The following FLRT2 variants were observed in gnomAD, a reference collection of about 807,000 sequenced individuals.
FLRT2 encodes the protein fibronectin leucine rich transmembrane protein 2, also known as leucine-rich repeat transmembrane protein FLRT2.
Under a neutral mutation model 40.0 loss-of-function variants are expected in FLRT2, and 15 were observed. That is an observed-to-expected ratio of 0.38 (90% CI 0.25 to 0.58). The LOEUF (loss-of-function observed/expected upper bound fraction) is 0.58, where lower values mean the gene tolerates loss of function less well. Among genes scored for constraint, FLRT2 ranks in the 20% least tolerant of loss-of-function variants. FLRT2 has a pLI of 0.71. For synonymous variants in FLRT2, 380 were observed against 336.8 expected (o/e 1.13, Z -1.41); for missense variants, 726 against 840.0 (o/e 0.86, Z 1.68).
At position 85,639,851 on chromosome 14, in the gene FLRT2, C is replaced by CTTTTTTTTTTTTTTTTT. The variant is rs869148428; in HGVS notation, c.*16369_*16370insTTTTTTTTTTTTTTTTT. On this transcript the variant is annotated 3_prime_UTR_variant, in exon 2 of 2. Transcript: ENST00000330753. ...GAAATTCTTTATTTTTTTTTTTTTCCTTTTTTTTTTTTTTTGAGACAGTGT... is the reference window on the plus strand; with the variant it reads ...GAAATTCTTTATTTTTTTTTTTTTCCTTTTTTTTTTTTTTTTTTTTTTTTTTTTTTTTGAGACAGTGT... 2 of 119,250 alleles carry CTTTTTTTTTTTTTTTTT rather than the reference C, an allele frequency of 1.7e-5. 1 individual carries two copies. The highest frequency in any genetic ancestry group is 3.2e-5 in the Non-Finnish European group (2 of 62,186). 7.4% of individuals were successfully genotyped at this position (119,250 alleles called of 1,614,324 possible). A position where few individuals can be genotyped will look rare whatever the true frequency, so the allele number is the denominator to read the frequency against.
At chr14:85,603,380 A>G (rs78380426) in intron 1 of FLRT2, among the ~76,000 whole-genome samples, 8,584 of 152,244 alleles carry the variant, frequency 0.056, 863 homozygotes, top group African/African-American at 0.2. Context: ...TTTCTAGAAT[A>G]ATAGGATTGA....
intron 1 of FLRT2, among the ~76,000 whole-genome samples, chr14:85,564,533 G>C (rs192661448): frequency 6.6e-6 from 1 of 152,234 alleles, no homozygotes; most frequent in African/African-American, 2.4e-5. Context: ...AAATGTATTC[G>C]TGGAAGATTT....
chr14:85,533,182 C>T (rs766769669), intron 1 of FLRT2, among the ~76,000 whole-genome samples: 3 of 152,038 alleles, frequency 2.0e-5, no homozygotes, highest in Non-Finnish European at 4.4e-5. Context: ...AAAGAGGGCT[C>T]CAGGAGCGGA....
Position 85,643,742 on chromosome 14 carries a change from T to G in FLRT2, c.*20245T>G, listed in dbSNP as rs1894224102. The stretch of plus-strand genomic sequence containing the variant: ...ATTAATGCATTGATGAGGACTCTCC[T>G]CTTTTAGATAGAGATGAAAGTGTAG... On this transcript the variant is annotated 3_prime_UTR_variant, in exon 2 of 2. Coordinates refer to ENST00000330753, the MANE Select transcript of FLRT2 (RefSeq NM_013231.6). 6.6e-6 allele frequency: 1 copy of G among 152,188 alleles called. No homozygotes were observed. Among genetic ancestry groups the G allele is most frequent in the South Asian group, 2.1e-4 (1 of 4,824 alleles). 9.4% of individuals were successfully genotyped at this position (152,188 alleles called of 1,614,324 possible). A position where few individuals can be genotyped will look rare whatever the true frequency, so the allele number is the denominator to read the frequency against.
In FLRT2 at chr14:85,631,847, G is replaced by A. The variant is rs1283714979; in HGVS notation, c.*8350G>A. The A allele has an allele frequency of 6.6e-6, 1 of 151,088 alleles. No homozygotes were observed. Among genetic ancestry groups the A allele is most frequent in the Non-Finnish European group, 1.5e-5 (1 of 67,852 alleles). The allele number at this position is 151,088 out of a possible 1,614,324, so 9.4% of individuals were successfully genotyped here. A position where few individuals can be genotyped will look rare whatever the true frequency, so the allele number is the denominator to read the frequency against. On this transcript the variant is annotated 3_prime_UTR_variant, in exon 2 of 2. Coordinates refer to ENST00000330753, the MANE Select transcript of FLRT2 (RefSeq NM_013231.6). The stretch of plus-strand genomic sequence containing the variant: ...ATTTTATTTATTTATTTTTTTTTGA[G>A]TTGGAGTCTCACTCTGTCACCAGAT...
rs566323545 is a variant in FLRT2 at position 85,622,463 on chromosome 14, A to G, written c.949A>G (p.Ser317Gly). ...ARNNPWFCDCSIKWVTEWLKY... is the reference protein window; with the variant it reads ...ARNNPWFCDCGIKWVTEWLKY... ...GAATAACCCTTGGTTTTGTGACTGC[A>G]GTATTAAATGGGTCACAGAATGGCT... The change falls in exon 2 of 2, where the codon AGT (serine) becomes GGT (glycine). Residue 317 changes from serine (S) to glycine (G), a missense_variant. This residue lies in a region of FLRT2 where 611 missense variants were observed against 690.0 expected (regional missense o/e 0.89). Coordinates refer to ENST00000330753, the MANE Select transcript of FLRT2 (RefSeq NM_013231.6). The G allele has an allele frequency of 1.9e-6, 3 of 1,614,184 alleles. No homozygotes were observed. The highest frequency in any genetic ancestry group is 4.5e-5 in the East Asian group (2 of 44,874).
chr14:85,567,618 C>T (rs1308283713), intron 1 of FLRT2, among the ~76,000 whole-genome samples: 1 of 149,666 alleles, frequency 6.7e-6, no homozygotes, highest in East Asian at 2.0e-4. Flanking sequence ...GGGCCTAGCA[C>T]ACGGGAAGTG....
At chr14:85,616,320 C>CA (rs59010798) in intron 1 of FLRT2, among the ~76,000 whole-genome samples, 54,351 of 127,380 alleles carry the variant, frequency 0.43, 10,801 homozygotes, top group Non-Finnish European at 0.51. Context: ...ATTTAAAAGA[C>CA]AAAAAAAAAA....
At chr14:85,593,284 A>G (rs982732042) in intron 1 of FLRT2, among the ~76,000 whole-genome samples, 15 of 152,152 alleles carry the variant, frequency 9.9e-5, no homozygotes, top group African/African-American at 3.6e-4. Flanking sequence ...AAATTTTCAG[A>G]TTTTCCTACA....
intron 1 of FLRT2, among the ~76,000 whole-genome samples, chr14:85,565,925 T>C (rs908152177): frequency 3.3e-5 from 5 of 152,118 alleles, no homozygotes; most frequent in African/African-American, 1.2e-4. Context: ...ACTTCATTGT[T>C]TGGGGAATGA....
At chr14:85,544,644 A>G (rs1418817758) in intron 1 of FLRT2, among the ~76,000 whole-genome samples, 2 of 152,220 alleles carry the variant, frequency 1.3e-5, no homozygotes, top group African/African-American at 2.4e-5. Context: ...TTTAGTCTTC[A>G]TGATTTGCAC....
intron 1 of FLRT2, among the ~76,000 whole-genome samples, chr14:85,540,074 A>G (rs1888897573): frequency 1.3e-5 from 2 of 152,128 alleles, no homozygotes; most frequent in African/African-American, 4.8e-5. Flanking sequence ...TTTTTTTTGG[A>G]AAAATAAATC....
At chr14:85,543,646 A>G (rs1054390565) in intron 1 of FLRT2, among the ~76,000 whole-genome samples, 5 of 151,828 alleles carry the variant, frequency 3.3e-5, no homozygotes, top group African/African-American at 1.2e-4. Context: ...ATCTCAAACC[A>G]CTCCTCAGAC....
chr14:85,639,647 A>G lies in FLRT2; in HGVS notation c.*16150A>G, dbSNP rs534903309. On this transcript the variant is annotated 3_prime_UTR_variant, in exon 2 of 2. Transcript: ENST00000330753. ...TAGAGTGTGTGTTAGTAGAATTTATATTTATAGACTATTGATATTATTATG... is the reference window on the plus strand; with the variant it reads ...TAGAGTGTGTGTTAGTAGAATTTATGTTTATAGACTATTGATATTATTATG... 3.9e-5 allele frequency: 6 copies of G among 152,122 alleles called. No homozygotes were observed. The South Asian group carries it at 6.2e-4, about 16-fold the overall frequency. The allele number at this position is 152,122 out of a possible 1,614,324, so 9.4% of individuals were successfully genotyped here.
chr14:85,623,036 A>G lies in FLRT2; in HGVS notation c.1522A>G (p.Ile508Val), dbSNP rs771621936. The change falls in exon 2 of 2, where the codon ATT (isoleucine) becomes GTT (valine). Residue 508 changes from isoleucine (I) to valine (V), a missense_variant. This residue lies in a region of FLRT2 where 611 missense variants were observed against 690.0 expected (regional missense o/e 0.89). Coordinates refer to ENST00000330753, the MANE Select transcript of FLRT2 (RefSeq NM_013231.6). Reference sequence around the variant, plus strand: ...TAACTACCGCGCGGTAGAAGACACCATTTGTTCAGAGGCCACCACCCATGC... The same window carrying G: ...TAACTACCGCGCGGTAGAAGACACCGTTTGTTCAGAGGCCACCACCCATGC... Reference protein sequence around the residue: ...AFNYRAVEDTICSEATTHASY... With the variant: ...AFNYRAVEDTVCSEATTHASY... The G allele has an allele frequency of 2.5e-6, 4 of 1,614,130 alleles. No individual in the cohort carries two copies. Among genetic ancestry groups the G allele is most frequent in the East Asian group, 4.5e-5 (2 of 44,856 alleles).
At chr14:85,532,006 C>T (rs1888314996) in intron 1 of FLRT2, among the ~76,000 whole-genome samples, 1 of 152,168 alleles carries the variant, frequency 6.6e-6, no homozygotes, top group South Asian at 2.1e-4. Context: ...CTCTCAAATA[C>T]GTGAAAGCGG....
chr14:85,597,715 C>T (rs960375984), intron 1 of FLRT2, among the ~76,000 whole-genome samples: 3 of 152,196 alleles, frequency 2.0e-5, no homozygotes, highest in African/African-American at 4.8e-5. Context: ...TGCCACCTTG[C>T]CCCGCTAAGG....
intron 1 of FLRT2, among the ~76,000 whole-genome samples, chr14:85,614,010 G>T (rs1302101597): frequency 6.6e-6 from 1 of 152,168 alleles, no homozygotes; most frequent in East Asian, 1.9e-4. Flanking sequence ...TTTTGTTGTT[G>T]TTTAAAGCTA....
At chr14:85,603,940 AC>A (rs572237786) in intron 1 of FLRT2, among the ~76,000 whole-genome samples, 14 of 152,280 alleles carry the variant, frequency 9.2e-5, no homozygotes, top group Admixed American at 2.6e-4. Context: ...ACATAAGGTA[AC>A]TTTTCCTTGT....
Sources: gnomAD v4.1 joint callset for allele counts (sites outside exome capture counted in the v4.1 genomes callset) on GRCh38, gnomAD v4.1.1 for gene constraint, gnomAD v4.1.1 regional missense constraint, MANE v1.5 for transcripts, NCBI Gene and HGNC (gene_info 2026-07-23, HGNC 2026-07-21) for gene names.